CARS2: variants seen among roughly 807,000 people sequenced by gnomAD.
CARS2 encodes cysteinyl-tRNA synthetase 2, mitochondrial.
A neutral mutation model predicts 68.8 loss-of-function variants in CARS2; 52 were observed. That is an observed-to-expected ratio of 0.76 (90% CI 0.61 to 0.95). CARS2 has a LOEUF of 0.95. Among genes scored for constraint, CARS2 ranks in the 40% least tolerant of loss-of-function variants. The probability of loss-of-function intolerance (pLI) is 0.00; values close to 1 mark genes in which losing one functional copy is unlikely to be tolerated. For synonymous variants in CARS2, 314 were observed against 303.6 expected (o/e 1.03, Z -0.36); for missense variants, 780 against 754.2 (o/e 1.03, Z -0.40).
At chr13:110,693,779 G>A (rs374705344) in intron 3 of CARS2, among the ~76,000 whole-genome samples, 4 of 152,242 alleles carry the variant, frequency 2.6e-5, no homozygotes, top group African/African-American at 9.6e-5. Context: ...GAGGTAGAAA[G>A]GCGCTAAAAT....
Position 110,665,096 on chromosome 13 carries a change from G to A in CARS2, c.920-1578C>T. On this transcript the variant is annotated intron_variant, in intron 8 of 14. Coordinates refer to ENST00000257347, the MANE Select transcript of CARS2 (RefSeq NM_024537.4). The surrounding 1 kb of genome is among the most constrained non-coding windows in gnomAD (Gnocchi z 4.3). ...TGATGTTTTGTTTGGGGCCAAACTA[G>A]TATGAAAAAGATCGCTGGTATCTTA... is the stretch of plus-strand genomic sequence containing the variant. The A allele has an allele frequency of 1.0e-6, 1 of 985,422 alleles. No homozygotes were observed. Among genetic ancestry groups the A allele is most frequent in the Non-Finnish European group, 1.2e-6 (1 of 829,908 alleles). 61.0% of individuals were successfully genotyped at this position (985,422 alleles called of 1,614,324 possible).
chr13:110,677,014 C>T lies in CARS2; in HGVS notation c.745G>A (p.Gly249Arg), dbSNP rs144283051. The change falls in exon 7 of 15, where the codon GGG becomes AGG. Residue 249 changes from glycine (G) to arginine (R), a missense_variant. Coordinates refer to ENST00000257347, the MANE Select transcript of CARS2 (RefSeq NM_024537.4). ...EVFWASPWGP[G>R]RPGWHIECSA... ...CACTCGATGTGCCAGCCCGGCCTCC[C>T]GGGTCCCCAGGGAGAGGCCCAGAAC... is the stretch of plus-strand genomic sequence containing the variant. 43 of 1,602,104 alleles carry T rather than the reference C, an allele frequency of 2.7e-5. No homozygotes were observed. The highest frequency in any genetic ancestry group is 5.0e-5 in the Admixed American group (3 of 59,424).
rs1464346599 is a variant in CARS2, at chr13:110,668,784, TGA to T, written c.786-1313_786-1312del. Among the ~76,000 whole-genome samples, 2 of 152,256 alleles carry T rather than the reference TGA, an allele frequency of 1.3e-5. No homozygotes were observed. The highest frequency in any genetic ancestry group is 2.9e-5 in the Non-Finnish European group (2 of 68,046). ...ACCTTCACTATGTTAGTTTCGCTCCTGATCTCTACGTTACACCTATTTTAAAA... is the reference window on the plus strand; with the variant it reads ...ACCTTCACTATGTTAGTTTCGCTCCTTCTCTACGTTACACCTATTTTAAAA... On this transcript the variant is annotated intron_variant, in intron 7 of 14. Transcript: ENST00000257347. This position sits in a 1 kb window ranked among gnomAD's most constrained non-coding sequence, Gnocchi z 4.1.
upstream of CARS2, among the ~76,000 whole-genome samples, chr13:110,707,969 T>C (rs1449466071): frequency 6.6e-6 from 1 of 152,238 alleles, no homozygotes; most frequent in Non-Finnish European, 1.5e-5. Flanking sequence ...ACATCAATGC[T>C]AACCACTCAT....
chr13:110,666,106 C>A (rs913499094), intron 8 of CARS2: 1 of 985,246 alleles, frequency 1.0e-6, no homozygotes, highest in African/African-American at 1.7e-5. Context: ...GGAAGAGAGA[C>A]CTCCTTCCCC....
chr13:110,647,012 G>T, intron 11 of CARS2, 89 bp downstream of exon 11: 1 of 1,428,522 alleles, frequency 7.0e-7, no homozygotes, highest in Non-Finnish European at 9.3e-7. Flanking sequence ...CTGTCTCCTG[G>T]GGGCCCCTCT....
chr13:110,650,998 T>C, intron 10 of CARS2, 36 bp downstream of exon 10: 1 of 1,503,628 alleles, frequency 6.7e-7, no homozygotes, highest in African/African-American at 1.4e-5. Flanking sequence ...GTCTCCGAGC[T>C]GGGGGGGGAG....
At chr13:110,656,920 C>G (rs418935) in intron 9 of CARS2, among the ~76,000 whole-genome samples, 61,946 of 151,168 alleles carry the variant, frequency 0.41, 13,238 homozygotes, top group African/African-American at 0.51. Flanking sequence ...AGATAGTGGT[C>G]GTTTCACAAC....
At chr13:110,659,729 T>G (rs540918000) in intron 9 of CARS2, among the ~76,000 whole-genome samples, 1 of 152,348 alleles carries the variant, frequency 6.6e-6, no homozygotes, top group Non-Finnish European at 1.5e-5. Context: ...GAAAAAATAT[T>G]TTATTGCTAA....
chr13:110,651,224 T>G, intron 9 of CARS2, 124 bp from the exon 10 acceptor site: 1 of 625,516 alleles, frequency 1.6e-6, no homozygotes, highest in South Asian at 2.1e-5. Context: ...GGAACCTTGA[T>G]GAAAATGAGC....
At chr13:110,656,429 C>T (rs377259185) in intron 9 of CARS2, among the ~76,000 whole-genome samples, 6 of 152,278 alleles carry the variant, frequency 3.9e-5, no homozygotes, top group South Asian at 4.1e-4. Flanking sequence ...ATGTTCAGAC[C>T]ACAGAGCTTT....
rs751432631 is a variant in CARS2 at position 110,705,782 on chromosome 13, C to G, written c.224+88G>C. 6.5e-7 allele frequency: 1 copy of G among 1,527,656 alleles called. No homozygotes were observed. Among genetic ancestry groups the G allele is most frequent in the South Asian group, 1.2e-5 (1 of 82,236 alleles). 94.6% of individuals were successfully genotyped at this position (1,527,656 alleles called of 1,614,324 possible). ...GGCGCCCTCCATGCAGCTTCCTAAA[C>G]GCCCTCCCCGAGCCCAGATCCCGTT... On this transcript the variant is annotated intron_variant, in intron 1 of 14. Coordinates refer to ENST00000257347, the MANE Select transcript of CARS2 (RefSeq NM_024537.4). The surrounding 1 kb of genome is among the most constrained non-coding windows in gnomAD (Gnocchi z 4.0).
At chr13:110,643,776 T>A in intron 13 of CARS2, 1 of 194,012 alleles carries the variant, frequency 5.2e-6, no homozygotes, top group South Asian at 8.4e-5. Context: ...CTCAAATCTG[T>A]ATTGATAGAA....
intron 3 of CARS2, chr13:110,697,897 A>G (rs2063669622): frequency 8.9e-5 from 40 of 449,930 alleles, no homozygotes; most frequent in South Asian, 6.2e-4. Context: ...ACAAATCAAT[A>G]GAAAATAGGA....
intron 13 of CARS2, chr13:110,643,291 C>A (rs1307316811): frequency 6.3e-6 from 1 of 157,742 alleles, no homozygotes; most frequent in African/African-American, 2.4e-5. Flanking sequence ...AAACAGACTC[C>A]GGAAAGCCAC....
intron 8 of CARS2, chr13:110,666,484 T>C (rs7328928): frequency 0.83 from 815,267 of 985,086 alleles, 338,696 homozygotes; most frequent in East Asian, 0.85. Flanking sequence ...CCTGCTGGGT[T>C]CCCCGACTCA....
Position 110,676,971 on chromosome 13 carries a change from T to C in CARS2, c.785+3A>G, listed in dbSNP as rs1404289409. The C allele has an allele frequency of 1.9e-6, 3 of 1,553,620 alleles. No homozygotes were observed. Among genetic ancestry groups the C allele is most frequent in the Non-Finnish European group, 2.6e-6 (3 of 1,142,838 alleles). ...AACCCCCAGGAAGCGGCAGGCACCT[T>C]ACCTAGCGATGGCAGAGCACTCGAT... On this transcript the variant is annotated splice_donor_region_variant and intron_variant, in intron 7 of 14. Coordinates refer to ENST00000257347, the MANE Select transcript of CARS2 (RefSeq NM_024537.4). The surrounding 1 kb of genome is among the most constrained non-coding windows in gnomAD (Gnocchi z 4.0).
At chr13:110,713,162 G>A in exon 1 of CARS2, 5 of 1,429,576 alleles carry the variant, frequency 3.5e-6, no homozygotes, top group Non-Finnish European at 4.6e-6. Context: ...TCTTCATCGT[G>A]ATTGGGCTGT....
rs1394263987 is a variant in CARS2, at chr13:110,670,264, T to C, written c.786-2791A>G. On this transcript the variant is annotated intron_variant, in intron 7 of 14. Coordinates refer to ENST00000257347, the MANE Select transcript of CARS2 (RefSeq NM_024537.4). The surrounding 1 kb of genome is among the most constrained non-coding windows in gnomAD (Gnocchi z 4.1). ...AGAACGGACAGACTGCCTCCTCAAG[T>C]GGGTCCCTGATCCCCGAGTAGACCA... Among the ~76,000 whole-genome samples, 1 of 152,198 alleles carries C rather than the reference T, an allele frequency of 6.6e-6. No homozygotes were observed. Among genetic ancestry groups the C allele is most frequent in the African/African-American group, 2.4e-5 (1 of 41,440 alleles).
Sources: gnomAD v4.1 joint callset for allele counts (sites outside exome capture counted in the v4.1 genomes callset) on GRCh38, gnomAD v4.1.1 for gene constraint, Gnocchi (gnomAD v3.1) non-coding constraint, MANE v1.5 for transcripts, NCBI Gene and HGNC (gene_info 2026-07-23, HGNC 2026-07-21) for gene names.